RPS6KA6: variants seen among roughly 807,000 people sequenced by gnomAD.
RPS6KA6 encodes the protein ribosomal protein S6 kinase alpha-6.
Under a neutral mutation model 65.4 loss-of-function variants are expected in RPS6KA6, and 27 were observed. That is an observed-to-expected ratio of 0.41 (90% CI 0.30 to 0.57). RPS6KA6 has a LOEUF of 0.57. Among genes scored for constraint, RPS6KA6 ranks in the 20% least tolerant of loss-of-function variants. The pLI, the probability that RPS6KA6 is intolerant of heterozygous loss-of-function variation, is 0.24. For missense variants in RPS6KA6, 486 were observed against 555.6 expected (o/e 0.87, Z 1.26); for synonymous variants, 190 against 184.2 (o/e 1.03, Z -0.26).
chrX:84,063,511 G>C lies in RPS6KA6; in HGVS notation c.*766C>G, dbSNP rs2033335744. 1 of 110,397 alleles carries C rather than the reference G, an allele frequency of 9.1e-6. No individual in the cohort carries two copies. Among genetic ancestry groups the C allele is most frequent in the African/African-American group, 3.3e-5 (1 of 30,410 alleles). 9.1% of individuals were successfully genotyped at this position (110,397 alleles called of 1,213,427 possible). A position where few individuals can be genotyped will look rare whatever the true frequency, so the allele number is the denominator to read the frequency against. ...ACCTATTTATAAGATTACACCAACA[G>C]TATAAAGCCTTTGGAAAAAAAAAAA... On this transcript the variant is annotated 3_prime_UTR_variant, in exon 22 of 22. Transcript: ENST00000262752.
chrX:84,187,919 A>C lies in RPS6KA6; in HGVS notation c.-20T>G, dbSNP rs750547688. 5.2e-6 allele frequency: 6 copies of C among 1,158,411 alleles called. No individual in the cohort carries two copies. The highest frequency in any genetic ancestry group is 3.7e-5 in the African/African-American group (2 of 53,662). On this transcript the variant is annotated 5_prime_UTR_variant, in exon 1 of 22. Transcript: ENST00000262752. ...TAGCATCTCCCCTTCAGGAGCACTC[A>C]AACAGGAGCTGCCGCCTACCGCTGG...
chrX:84,148,166 T>A (rs2035233872), intron 3 of RPS6KA6, 43 bp from the exon 4 acceptor site: 1 of 850,730 alleles, frequency 1.2e-6, no homozygotes, highest in East Asian at 3.2e-5. Context: ...AATTCACATT[T>A]CTAGTCATTC....
At chrX:84,108,519 GC>G (rs758923689) in intron 12 of RPS6KA6, among the ~76,000 whole-genome samples, 23 of 111,720 alleles carry the variant, frequency 2.1e-4, no homozygotes, top group Non-Finnish European at 3.8e-4. Context: ...ACAAAGCCAT[GC>G]CGTCAGGTGA....
At chrX:84,167,056 A>C (rs1253604969) in intron 1 of RPS6KA6, among the ~76,000 whole-genome samples, 2 of 111,205 alleles carry the variant, frequency 1.8e-5, no homozygotes, top group African/African-American at 6.5e-5. Flanking sequence ...ACCCCAAGAC[A>C]CATCTTAAGT....
chrX:84,078,228 A>C (rs753606176), intron 20 of RPS6KA6, among the ~76,000 whole-genome samples: 1 of 112,306 alleles, frequency 8.9e-6, no homozygotes, highest in Non-Finnish European at 1.9e-5. Flanking sequence ...TCACTAGGGA[A>C]ATGCGAATTA....
chrX:84,187,771 G>A, intron 1 of RPS6KA6, 48 bp downstream of exon 1: 1 of 1,134,708 alleles, frequency 8.8e-7, no homozygotes, highest in East Asian at 3.2e-5. Flanking sequence ...GGTCTTGAGG[G>A]GAAGGAGGCG....
At chrX:84,089,490 A>T (rs1210452008) in intron 20 of RPS6KA6, among the ~76,000 whole-genome samples, 1 of 111,445 alleles carries the variant, frequency 9.0e-6, no homozygotes, top group Non-Finnish European at 1.9e-5. Flanking sequence ...TCCTGGAGCC[A>T]GAGTATGCAA....
intron 8 of RPS6KA6, among the ~76,000 whole-genome samples, chrX:84,131,526 G>C (rs1409453528): frequency 2.7e-5 from 3 of 111,966 alleles, no homozygotes; most frequent in African/African-American, 9.7e-5. Context: ...AACACAGCTT[G>C]TGGAGAAGAA....
At chrX:84,070,740 C>G (rs937359702) in intron 20 of RPS6KA6, among the ~76,000 whole-genome samples, 1 of 110,279 alleles carries the variant, frequency 9.1e-6, no homozygotes, top group Admixed American at 9.7e-5. Flanking sequence ...ACTGGGGAAA[C>G]ATGTGCAAAA....
At chrX:84,085,924 T>A (rs1294825642) in intron 20 of RPS6KA6, among the ~76,000 whole-genome samples, 2 of 111,596 alleles carry the variant, frequency 1.8e-5, no homozygotes, top group Admixed American at 1.9e-4. Context: ...CAGGAATTTA[T>A]CCATTATTCT....
At position 84,079,954 on chromosome X, in the gene RPS6KA6, C is replaced by T. The variant is rs750462232; in HGVS notation, c.1972-14843G>A. On this transcript the variant is annotated intron_variant, in intron 20 of 21. Transcript: ENST00000262752. ...ACTCTGAAGAGAGCAGTGGATCTCC[C>T]AGCGCAGCGCTCGAGCTCTACTAAG... 4.5e-5 allele frequency among the ~76,000 whole-genome samples: 5 copies of T among 112,066 alleles called. No homozygotes were observed. The South Asian group carries it at 1.1e-3, about 25-fold the overall frequency.
At position 84,092,929 on chromosome X, in the gene RPS6KA6, C is replaced by T. The variant is rs962575531; in HGVS notation, c.1971+3265G>A. On this transcript the variant is annotated intron_variant, in intron 20 of 21. Transcript: ENST00000262752. ...ACAATAGCCAAGATATGGAATCAAC[C>T]TAAGTGTCTATCAACATATGAATTG... 3.6e-5 allele frequency among the ~76,000 whole-genome samples: 4 copies of T among 111,667 alleles called. No individual in the cohort carries two copies. The Admixed American group carries it at 3.8e-4, about 11-fold the overall frequency.
In RPS6KA6 at chrX:84,188,178, C is replaced by T. The variant is rs1190584630; in HGVS notation, c.-279G>A. 9.0e-6 allele frequency among the ~76,000 whole-genome samples: 1 copy of T among 111,511 alleles called. No homozygotes were observed. Among genetic ancestry groups the T allele is most frequent in the Admixed American group, 9.4e-5 (1 of 10,670 alleles). ...CTCGCGCTCACCACTGCCACCACAA[C>T]GACAGCCGCTCGGTGGTGACTCCCC... On this transcript the variant is annotated 5_prime_UTR_variant, in exon 1 of 22. Transcript: ENST00000262752.
At chrX:84,116,979 T>A (rs1372208584) in intron 11 of RPS6KA6, 81 bp downstream of exon 11, 13 of 659,172 alleles carry the variant, frequency 2.0e-5, no homozygotes, top group East Asian at 7.1e-5. Flanking sequence ...TGTGCTCAAA[T>A]CAAACAAGAA....
At chrX:84,083,229 AG>A (rs1374406690) in intron 20 of RPS6KA6, among the ~76,000 whole-genome samples, 1 of 112,976 alleles carries the variant, frequency 8.9e-6, no homozygotes, top group Non-Finnish European at 1.9e-5. Flanking sequence ...AGAATCTACA[AG>A]GAACTTAAAC....
At chrX:84,103,480 T>C (rs917785803) in intron 17 of RPS6KA6, among the ~76,000 whole-genome samples, 3 of 111,500 alleles carry the variant, frequency 2.7e-5, no homozygotes, top group South Asian at 3.7e-4. Flanking sequence ...GAGTTTACTA[T>C]GCTAAAGCTC....
chrX:84,089,395 C>T (rs1328662675), intron 20 of RPS6KA6, among the ~76,000 whole-genome samples: 1 of 111,810 alleles, frequency 8.9e-6, no homozygotes, highest in Non-Finnish European at 1.9e-5. Context: ...GGAAGTGGGG[C>T]CCACAGAATG....
chrX:84,134,652 T>C (rs1471360199), intron 8 of RPS6KA6, 130 bp downstream of exon 8: 1 of 420,298 alleles, frequency 2.4e-6, no homozygotes, highest in Non-Finnish European at 4.0e-6. Flanking sequence ...TAACATTTAA[T>C]TCACTAAAGA....
chrX:84,096,970 A>G (rs916933395), intron 19 of RPS6KA6, among the ~76,000 whole-genome samples: 2 of 111,447 alleles, frequency 1.8e-5, no homozygotes, highest in East Asian at 5.6e-4. Context: ...AAAGTATGTG[A>G]AATGTACTGA....
Sources: allele counts gnomAD v4.1 joint callset (sites outside exome capture counted in the v4.1 genomes callset), GRCh38; gene constraint gnomAD v4.1.1; transcripts MANE v1.5; gene names NCBI Gene and HGNC (gene_info 2026-07-23, HGNC 2026-07-21).